Variants in HECW1 observed in about 807,000 individuals in gnomAD.
HECW1 encodes HECT, C2 and WW domain containing E3 ubiquitin protein ligase 1.
HECW1 carries 61 observed loss-of-function variants against 182.3 expected under a neutral mutation model. The observed-to-expected ratio is 0.33, with a 90% CI of 0.27 to 0.41. The LOEUF (loss-of-function observed/expected upper bound fraction) is 0.41, where lower values mean the gene tolerates loss of function less well. HECW1 is among the 10% of genes least tolerant of loss of function. The pLI, the probability that HECW1 is intolerant of heterozygous loss-of-function variation, is 1.00. For missense variants in HECW1, 1,739 were observed against 2,108.9 expected (o/e 0.82, Z 3.44); for synonymous variants, 859 against 832.6 (o/e 1.03, Z -0.55).
intron 5 of HECW1, among the ~76,000 whole-genome samples, chr7:43,356,258 G>A (rs1815118818): frequency 6.6e-6 from 1 of 152,058 alleles, no homozygotes; most frequent in South Asian, 2.1e-4. Context: ...GAGTACCTAT[G>A]CTTACATCAG....
intron 2 of HECW1, among the ~76,000 whole-genome samples, chr7:43,226,636 G>A (rs1272573740): frequency 2.0e-5 from 3 of 152,172 alleles, no homozygotes; most frequent in Admixed American, 6.5e-5. Context: ...TTGACGAAGC[G>A]GGTGCCAGGG....
At position 43,493,247 on chromosome 7, in the gene HECW1, C is replaced by T. The variant is rs982115768; in HGVS notation, c.3437+67C>T. 12 of 1,010,244 alleles carry T rather than the reference C, an allele frequency of 1.2e-5. No homozygotes were observed. The South Asian group carries it at 1.3e-4, about 11-fold the overall frequency. 62.6% of individuals were successfully genotyped at this position (1,010,244 alleles called of 1,614,324 possible). On this transcript the variant is annotated intron_variant, in intron 19 of 29. Transcript: ENST00000395891. The stretch of plus-strand genomic sequence containing the variant: ...AGCCATTTTTCCCGGTGGGAAAACA[C>T]CTCTGTGGAGACAGAGCGGAAGCTT...
chr7:43,120,298 G>A (rs1184559448), intron 2 of HECW1, among the ~76,000 whole-genome samples: 4 of 152,096 alleles, frequency 2.6e-5, no homozygotes, highest in Non-Finnish European at 5.9e-5. Flanking sequence ...CCCTTTATCA[G>A]ATATCACACC....
chr7:43,348,357 A>T (rs555429002), intron 5 of HECW1, among the ~76,000 whole-genome samples: 1 of 152,096 alleles, frequency 6.6e-6, no homozygotes, highest in Non-Finnish European at 1.5e-5. Context: ...ATCAGTTGTA[A>T]TATCTCCTGT....
chr7:43,431,925 TC>T (rs2076562530), intron 8 of HECW1, among the ~76,000 whole-genome samples: 1 of 151,712 alleles, frequency 6.6e-6, no homozygotes, highest in African/African-American at 2.4e-5. Flanking sequence ...CACCCAATGT[TC>T]AAGCAATTTT....
chr7:43,491,859 G>A (rs1157243615), intron 17 of HECW1, among the ~76,000 whole-genome samples: 1 of 152,206 alleles, frequency 6.6e-6, no homozygotes, highest in Admixed American at 6.5e-5. Context: ...CAAGTGCTAG[G>A]ATTACAGGCG....
rs554290752 is a variant in HECW1, at chr7:43,271,930, A to G, written c.27+27998A>G. 6.9e-4 allele frequency among the ~76,000 whole-genome samples: 105 copies of G among 152,224 alleles called. 2 individuals are homozygous for G. The highest frequency in any genetic ancestry group is 4.3e-3 in the East Asian group (22 of 5,176). ...AAAAGAACAACACTGGAGGCATCAC[A>G]TTACCTGACTTCAAACTGTGTTATA... On this transcript the variant is annotated intron_variant, in intron 3 of 29. Coordinates refer to ENST00000395891, the MANE Select transcript of HECW1 (RefSeq NM_015052.5).
chr7:43,302,513 C>T (rs1056815221), intron 3 of HECW1, among the ~76,000 whole-genome samples: 1 of 152,220 alleles, frequency 6.6e-6, no homozygotes, highest in Non-Finnish European at 1.5e-5. Flanking sequence ...CGGGAAGAGG[C>T]ACAGTGACCC....
At chr7:43,361,204 T>C (rs771323696) in intron 6 of HECW1, among the ~76,000 whole-genome samples, 10 of 152,164 alleles carry the variant, frequency 6.6e-5, no homozygotes, top group Non-Finnish European at 1.3e-4. Context: ...TTAAAGCTCA[T>C]GCTACACTTG....
chr7:43,423,977 CA>C (rs2076276338), intron 8 of HECW1, among the ~76,000 whole-genome samples: 1 of 152,102 alleles, frequency 6.6e-6, no homozygotes, highest in Admixed American at 6.5e-5. Flanking sequence ...CAGACAGAGC[CA>C]AAGGAGTATC....
rs982278504 is a variant in HECW1, at chr7:43,243,532, C to T, written c.-31-343C>T. 2.0e-5 allele frequency among the ~76,000 whole-genome samples: 3 copies of T among 151,908 alleles called. No homozygotes were observed. Among genetic ancestry groups the T allele is most frequent in the African/African-American group, 4.8e-5 (2 of 41,338 alleles). The stretch of plus-strand genomic sequence containing the variant: ...GATGCTTTTCGCTGGCCTTCTCAGA[C>T]GGCTGGGAGAGCAGAACTTCTCTTT... On this transcript the variant is annotated intron_variant, in intron 2 of 29. Transcript: ENST00000395891. This position sits in a 1 kb window ranked among gnomAD's most constrained non-coding sequence, Gnocchi z 4.0.
intron 8 of HECW1, among the ~76,000 whole-genome samples, chr7:43,410,500 G>A (rs528374722): frequency 2.0e-5 from 3 of 152,174 alleles, no homozygotes; most frequent in African/African-American, 7.2e-5. Flanking sequence ...GTTGGTGGTG[G>A]AAGGAGACAC....
At chr7:43,335,865 CTT>C (rs974474520) in intron 5 of HECW1, among the ~76,000 whole-genome samples, 1 of 149,432 alleles carries the variant, frequency 6.7e-6, no homozygotes, top group Non-Finnish European at 1.5e-5. Flanking sequence ...TCATCTCTCT[CTT>C]TCTCTTTCTC....
rs58826071 is a variant in HECW1, at chr7:43,197,927, T to C, written c.-31-45948T>C. Among the ~76,000 whole-genome samples the C allele has an allele frequency of 6.8e-4, 103 of 152,152 alleles. No individual in the cohort carries two copies. In the East Asian group the frequency reaches 0.018, roughly 27 times the overall value. On this transcript the variant is annotated intron_variant, in intron 2 of 29. Transcript: ENST00000395891. ...AGCTGGCACTGGGCCCCTGATTCCC[T>C]GTCAGCTGTGGCTGCCCCGTTCAGT...
chr7:43,388,503 T>C (rs1420776181), intron 6 of HECW1, among the ~76,000 whole-genome samples: 1 of 152,184 alleles, frequency 6.6e-6, no homozygotes, highest in Admixed American at 6.5e-5. Flanking sequence ...TACTGCATAA[T>C]GATTATCAAA....
chr7:43,436,620 G>A (rs2152870839), intron 8 of HECW1, among the ~76,000 whole-genome samples: 1 of 152,232 alleles, frequency 6.6e-6, no homozygotes, highest in South Asian at 2.1e-4. Flanking sequence ...ATTTCACAAG[G>A]TAATGTCATC....
At chr7:43,179,880 C>T (rs897814603) in intron 2 of HECW1, among the ~76,000 whole-genome samples, 1 of 152,142 alleles carries the variant, frequency 6.6e-6, no homozygotes, top group Admixed American at 6.5e-5. Flanking sequence ...CTGAAAGGTG[C>T]ATTTACTAGC....
chr7:43,513,100 A>G (rs1404685747), intron 24 of HECW1, among the ~76,000 whole-genome samples: 1 of 152,198 alleles, frequency 6.6e-6, no homozygotes, highest in Non-Finnish European at 1.5e-5. Context: ...CTGGGTGCAT[A>G]AATGAGTATT....
rs1404047718 is a variant in HECW1 at position 43,565,483 on chromosome 7, C to T, written c.*3557C>T. ...TTGGGTTCGGAAATTTCTCAGTTGC[C>T]ACAAATATTTTCCCAGTCAAGATGA... On this transcript the variant is annotated 3_prime_UTR_variant, in exon 30 of 30. Transcript: ENST00000395891. 1.1e-5 allele frequency: 2 copies of T among 188,170 alleles called. No individual in the cohort carries two copies. Among genetic ancestry groups the T allele is most frequent in the Admixed American group, 1.2e-4 (2 of 16,138 alleles). 11.7% of individuals were successfully genotyped at this position (188,170 alleles called of 1,614,324 possible). A position where few individuals can be genotyped will look rare whatever the true frequency, so the allele number is the denominator to read the frequency against.
Sources: allele counts gnomAD v4.1 joint callset (sites outside exome capture counted in the v4.1 genomes callset), GRCh38; gene constraint gnomAD v4.1.1; non-coding constraint Gnocchi (gnomAD v3.1); transcripts MANE v1.5; gene names NCBI Gene and HGNC (gene_info 2026-07-23, HGNC 2026-07-21).